The following ZNF536 variants were observed in gnomAD, a reference collection of about 807,000 sequenced individuals.
ZNF536 encodes the protein zinc finger protein 536.
A neutral mutation model predicts 84.5 loss-of-function variants in ZNF536; 13 were observed. The ratio of observed to expected loss-of-function variants is 0.15; its 90% CI spans 0.10 to 0.24. ZNF536 has a LOEUF of 0.24. Ranked by LOEUF, ZNF536 falls within the 10% of genes least tolerant of loss-of-function variation. The pLI is 1.00. For missense variants in ZNF536, 1,536 were observed against 1,747.5 expected (o/e 0.88, Z 2.16); for synonymous variants, 811 against 742.5 (o/e 1.09, Z -1.50).
intron 1 of ZNF536, among the ~76,000 whole-genome samples, chr19:30,401,849 G>A (rs1251003225): frequency 6.6e-6 from 1 of 152,108 alleles, no homozygotes; most frequent in East Asian, 1.9e-4. Context: ...TACTGTTATG[G>A]GGTTATTTTT....
At chr19:30,529,075 T>C (rs1181691484) in intron 2 of ZNF536, among the ~76,000 whole-genome samples, 1 of 152,014 alleles carries the variant, frequency 6.6e-6, no homozygotes, top group African/African-American at 2.4e-5. Context: ...TAGTTGGATA[T>C]TAGGGACCCG....
At chr19:30,532,704 A>G (rs905631525) in intron 2 of ZNF536, among the ~76,000 whole-genome samples, 1 of 152,090 alleles carries the variant, frequency 6.6e-6, no homozygotes, top group Non-Finnish European at 1.5e-5. Flanking sequence ...TGGGAGTGGG[A>G]GAAGGGTAGA....
chr19:30,426,569 TC>T (rs1182871751), intron 1 of ZNF536, among the ~76,000 whole-genome samples: 2 of 152,178 alleles, frequency 1.3e-5, no homozygotes, highest in Non-Finnish European at 2.9e-5. Flanking sequence ...TTCAGGTGCT[TC>T]CAAGGGGGAC....
intron 1 of ZNF536, among the ~76,000 whole-genome samples, chr19:30,432,444 G>T (rs2051516490): frequency 6.6e-6 from 1 of 152,240 alleles, no homozygotes; most frequent in Non-Finnish European, 1.5e-5. Flanking sequence ...AATCCAGGAA[G>T]GTTTCCTGGA....
chr19:30,546,616 AC>A (rs1362436462), intron 3 of ZNF536, among the ~76,000 whole-genome samples: 1 of 152,208 alleles, frequency 6.6e-6, no homozygotes, highest in Non-Finnish European at 1.5e-5. Context: ...GAGACTAGAC[AC>A]AGTGAAATGT....
intron 1 of ZNF536, among the ~76,000 whole-genome samples, chr19:30,624,249 C>A (rs1001972465): frequency 6.6e-6 from 1 of 152,144 alleles, no homozygotes; most frequent in African/African-American, 2.4e-5. Context: ...TCCAGACCCA[C>A]CAGGTTTCCC....
At chr19:30,420,791 G>C (rs1356792994) in intron 1 of ZNF536, among the ~76,000 whole-genome samples, 1 of 152,142 alleles carries the variant, frequency 6.6e-6, no homozygotes, top group African/African-American at 2.4e-5. Context: ...GGAAAAACAA[G>C]GTAGGTTTTC....
chr19:30,494,609 C>CT (rs2054640027), intron 2 of ZNF536, among the ~76,000 whole-genome samples: 1 of 152,154 alleles, frequency 6.6e-6, no homozygotes, highest in Admixed American at 6.5e-5. Context: ...TAACCTATGG[C>CT]TCAAGAACAG....
At chr19:30,392,910 G>A (rs1003554432) in intron 1 of ZNF536, among the ~76,000 whole-genome samples, 2 of 152,190 alleles carry the variant, frequency 1.3e-5, no homozygotes, top group African/African-American at 4.8e-5. Context: ...AACCACTGCT[G>A]TGGATCTGTA....
At chr19:30,527,935 G>GC (rs755843856) in intron 2 of ZNF536, among the ~76,000 whole-genome samples, 11 of 152,130 alleles carry the variant, frequency 7.2e-5, no homozygotes, top group Non-Finnish European at 2.9e-5. Flanking sequence ...CCACTGAACT[G>GC]CTTCTTCACC....
At chr19:30,630,941 A>C (rs375172010) in intron 1 of ZNF536, among the ~76,000 whole-genome samples, 7 of 152,332 alleles carry the variant, frequency 4.6e-5, no homozygotes, top group Middle Eastern at 3.4e-3. Flanking sequence ...GAAATCCTAA[A>C]AAATTCAGTG....
chr19:30,577,118 A>G (rs2046766060), intron 1 of ZNF536, among the ~76,000 whole-genome samples: 1 of 152,172 alleles, frequency 6.6e-6, no homozygotes, highest in African/African-American at 2.4e-5. Context: ...ACGATTATTT[A>G]TTGTGCATGT....
intron 2 of ZNF536, among the ~76,000 whole-genome samples, chr19:30,486,118 C>A (rs979397997): frequency 6.6e-6 from 1 of 152,038 alleles, no homozygotes; most frequent in East Asian, 1.9e-4. Flanking sequence ...GTTTAAGTTC[C>A]GGGATACATG....
intron 2 of ZNF536, among the ~76,000 whole-genome samples, chr19:30,343,781 G>A (rs942010373): frequency 1.3e-5 from 2 of 152,112 alleles, no homozygotes; most frequent in Non-Finnish European, 2.9e-5. Flanking sequence ...ACCTATGCCT[G>A]GATAAACTGG....
At chr19:30,263,719 C>T (rs995535837) in intron 1 of ZNF536, among the ~76,000 whole-genome samples, 2 of 152,110 alleles carry the variant, frequency 1.3e-5, no homozygotes, top group African/African-American at 4.8e-5. Context: ...TGTGTGCACG[C>T]GTGTGTGTAT....
intron 1 of ZNF536, among the ~76,000 whole-genome samples, chr19:30,428,828 T>C (rs2051324105): frequency 6.6e-6 from 1 of 152,202 alleles, no homozygotes; most frequent in African/African-American, 2.4e-5. Flanking sequence ...TTAGAATATT[T>C]CTCTGTGTTC....
At chr19:30,374,570 C>T (rs2048733694) in intron 1 of ZNF536, among the ~76,000 whole-genome samples, 1 of 152,150 alleles carries the variant, frequency 6.6e-6, no homozygotes, top group Non-Finnish European at 1.5e-5. Context: ...AAGAAAGGCG[C>T]CTTGGCACCG....
At chr19:30,636,825 C>T (rs185935128) in intron 1 of ZNF536, among the ~76,000 whole-genome samples, 2 of 152,250 alleles carry the variant, frequency 1.3e-5, no homozygotes, top group African/African-American at 4.8e-5. Flanking sequence ...GGGGGCAGGC[C>T]GTGTCTTCTC....
chr19:30,226,155 C>T (rs1363447847), upstream of ZNF536, among the ~76,000 whole-genome samples: 1 of 151,488 alleles, frequency 6.6e-6, no homozygotes, highest in Non-Finnish European at 1.5e-5. The surrounding 1 kb of genome is among the most constrained non-coding windows in gnomAD (Gnocchi z 4.6). Flanking sequence ...CCGGCCGGCG[C>T]CCCCCACCCG....
Sources: gnomAD v4.1 joint callset for allele counts (sites outside exome capture counted in the v4.1 genomes callset) on GRCh38, gnomAD v4.1.1 for gene constraint, Gnocchi (gnomAD v3.1) non-coding constraint, MANE v1.5 for transcripts, NCBI Gene and HGNC (gene_info 2026-07-23, HGNC 2026-07-21) for gene names.